The following NOX3 variants were observed in gnomAD, a reference collection of about 807,000 sequenced individuals.
NOX3 encodes the protein NADPH oxidase 3.
Under a neutral mutation model 76.7 loss-of-function variants are expected in NOX3, and 74 were observed. The ratio of observed to expected loss-of-function variants is 0.96; its 90% CI spans 0.80 to 1.17. The LOEUF is 1.17. Among genes scored for constraint, NOX3 ranks in the 50% most tolerant of loss-of-function variants. NOX3 has a pLI of 0.00. For synonymous variants in NOX3, 263 were observed against 261.1 expected, an observed-to-expected ratio of 1.01 and a Z score of -0.07; for missense variants, 695 against 703.3, an observed-to-expected ratio of 0.99 and a Z score of 0.13.
intron 9 of NOX3, among the ~76,000 whole-genome samples, chr6:155,426,821 G>T (rs1562464999): frequency 6.6e-6 from 1 of 152,124 alleles, no homozygotes; most frequent in Non-Finnish European, 1.5e-5. Context: ...CTTCTTGGGG[G>T]ACTGGTTGAA....
chr6:155,445,957 C>CTATATATATAATATATATATGCTATA (rs1562472078), intron 4 of NOX3, among the ~76,000 whole-genome samples: 2,216 of 125,800 alleles, frequency 0.018, 75 homozygotes, highest in African/African-American at 0.065. Context: ...TATATATATG[C>CTATATATATAATATATATATGCTATA]TATATATATA....
chr6:155,453,249 G>A (rs1417799024), intron 4 of NOX3, among the ~76,000 whole-genome samples, 155 bp downstream of exon 4: 1 of 152,190 alleles, frequency 6.6e-6, no homozygotes, highest in Non-Finnish European at 1.5e-5. Context: ...AATTGAAAAT[G>A]TAAAAACCCA....
intron 9 of NOX3, among the ~76,000 whole-genome samples, chr6:155,428,503 A>T (rs894989937): frequency 3.3e-5 from 5 of 152,132 alleles, no homozygotes; most frequent in African/African-American, 1.2e-4. Context: ...GCTGCATAGA[A>T]GTAACCAGGT....
intron 5 of NOX3, among the ~76,000 whole-genome samples, chr6:155,442,254 A>G (rs985474798): frequency 1.3e-5 from 2 of 152,046 alleles, no homozygotes; most frequent in African/African-American, 2.4e-5. Context: ...ACAGAGTGAG[A>G]CTCTGTCTCA....
Position 155,436,559 on chromosome 6 carries a change from A to G in NOX3, c.669-12T>C, listed in dbSNP as rs1226604146. On this transcript the variant is annotated splice_polypyrimidine_tract_variant and intron_variant, in intron 6 of 13. Transcript: ENST00000159060. ...CTCGAACAATCCGACTTGTTATTTA[A>G]GAAAAGCAAAACAAAACAAAAAGCA... 2.5e-6 allele frequency: 4 copies of G among 1,611,530 alleles called. No individual in the cohort carries two copies. Among genetic ancestry groups the G allele is most frequent in the Non-Finnish European group, 3.4e-6 (4 of 1,179,320 alleles).
intron 12 of NOX3, among the ~76,000 whole-genome samples, chr6:155,400,093 T>A (rs566054788): frequency 3.9e-4 from 59 of 152,366 alleles, no homozygotes; most frequent in African/African-American, 1.3e-3. Context: ...TCCCTCTCTA[T>A]GTCTGCTAAA....
chr6:155,416,517 A>C (rs1776623192), intron 10 of NOX3, among the ~76,000 whole-genome samples: 1 of 152,234 alleles, frequency 6.6e-6, no homozygotes, highest in South Asian at 2.1e-4. Flanking sequence ...AAAGTGATAC[A>C]GTTATAAAAT....
chr6:155,437,991 T>G (rs957161641), intron 6 of NOX3, among the ~76,000 whole-genome samples: 4 of 152,200 alleles, frequency 2.6e-5, no homozygotes, highest in African/African-American at 4.8e-5. Context: ...GACTAAAAAT[T>G]TCATCTTATG....
intron 5 of NOX3, among the ~76,000 whole-genome samples, chr6:155,441,476 C>T (rs965618022): frequency 6.6e-6 from 1 of 152,206 alleles, no homozygotes; most frequent in African/African-American, 2.4e-5. Context: ...CGCCATGTCT[C>T]TTTCTTGCAA....
Position 155,442,337 on chromosome 6 carries a change from T to C in NOX3, c.486+936A>G, listed in dbSNP as rs78733408. On this transcript the variant is annotated intron_variant, in intron 5 of 13. Transcript: ENST00000159060. The stretch of plus-strand genomic sequence containing the variant: ...ACTAAACCTGATCAATGGCCTGATA[T>C]TGAAAATTATCTTAGGCTAATTAGG... Among the ~76,000 whole-genome samples the C allele has an allele frequency of 6.4e-3, 978 of 152,238 alleles. 11 individuals are homozygous for C. The highest frequency in any genetic ancestry group is 0.023 in the African/African-American group (940 of 41,550).
At chr6:155,439,528 C>T (rs1268746601) in intron 6 of NOX3, among the ~76,000 whole-genome samples, 2 of 152,144 alleles carry the variant, frequency 1.3e-5, no homozygotes, top group Non-Finnish European at 2.9e-5. Flanking sequence ...CACCAGACTG[C>T]CCATGCCACA....
chr6:155,419,742 G>A (rs1486012957), intron 10 of NOX3, among the ~76,000 whole-genome samples: 1 of 152,132 alleles, frequency 6.6e-6, no homozygotes, highest in Non-Finnish European at 1.5e-5. Flanking sequence ...GGAATGCTGA[G>A]AAAGGAGGCA....
At chr6:155,433,549 C>T (rs1185567967) in intron 7 of NOX3, among the ~76,000 whole-genome samples, 1 of 152,222 alleles carries the variant, frequency 6.6e-6, no homozygotes, top group Non-Finnish European at 1.5e-5. Context: ...TGGGAACTAG[C>T]TGGAGAAAAT....
At chr6:155,437,890 T>C (rs1336743387) in intron 6 of NOX3, among the ~76,000 whole-genome samples, 1 of 152,244 alleles carries the variant, frequency 6.6e-6, no homozygotes, top group Non-Finnish European at 1.5e-5. Context: ...GCAAATTGCT[T>C]TCGCTGTAAA....
At chr6:155,426,995 G>GTGTGTGTGTGTA (rs1776764465) in intron 9 of NOX3, among the ~76,000 whole-genome samples, 2 of 119,394 alleles carry the variant, frequency 1.7e-5, no homozygotes, top group African/African-American at 6.9e-5. Flanking sequence ...GTGTGTGTGT[G>GTGTGTGTGTGTA]TGTGTGTGTG....
chr6:155,438,381 C>A (rs2114701208), intron 6 of NOX3, among the ~76,000 whole-genome samples: 2 of 152,296 alleles, frequency 1.3e-5, no homozygotes, highest in South Asian at 4.1e-4. Flanking sequence ...AAGCCTCTAG[C>A]CAGGCAGCAG....
chr6:155,404,938 A>T (rs1311702394), intron 12 of NOX3, among the ~76,000 whole-genome samples: 5 of 152,190 alleles, frequency 3.3e-5, no homozygotes, highest in Admixed American at 6.5e-5. Context: ...TAGCTGGTCC[A>T]GGGAGTCTAA....
At chr6:155,432,426 A>T (rs1024357088) in intron 7 of NOX3, among the ~76,000 whole-genome samples, 1 of 140,196 alleles carries the variant, frequency 7.1e-6, no homozygotes, top group African/African-American at 2.5e-5. Context: ...GGGGGCAGGA[A>T]GGATGTCTCG....
At chr6:155,415,392 C>T (rs915127662) in intron 10 of NOX3, among the ~76,000 whole-genome samples, 7 of 152,152 alleles carry the variant, frequency 4.6e-5, no homozygotes, top group Non-Finnish European at 7.3e-5. Context: ...GAATAGATAT[C>T]CATGAACACA....
Sources: gnomAD v4.1 joint callset for allele counts (sites outside exome capture counted in the v4.1 genomes callset) on GRCh38, gnomAD v4.1.1 for gene constraint, MANE v1.5 for transcripts, NCBI Gene and HGNC (gene_info 2026-07-23, HGNC 2026-07-21) for gene names.